The following ZNF107 variants were observed in gnomAD, a reference collection of about 807,000 sequenced individuals.
The protein encoded by ZNF107 is C2H2 type zinc-finger protein.
In ZNF107, 19 loss-of-function variants were observed where a neutral mutation model predicts 12.3. The observed-to-expected ratio is 1.55, with a 90% CI of 1.08 to 2.27. The LOEUF (loss-of-function observed/expected upper bound fraction) is 2.27, where lower values mean the gene tolerates loss of function less well. Ranked by LOEUF, ZNF107 falls within the 30% of genes most tolerant of loss-of-function variation. ZNF107 has a pLI of 0.00. For synonymous variants in ZNF107, 317 were observed against 330.5 expected, an observed-to-expected ratio of 0.96 and a Z score of 0.44; for missense variants, 958 against 979.9, an observed-to-expected ratio of 0.98 and a Z score of 0.30.
chr7:64,695,687 T>C (rs867794294), intron 3 of ZNF107, among the ~76,000 whole-genome samples: 2 of 152,290 alleles, frequency 1.3e-5, no homozygotes, highest in Middle Eastern at 6.8e-3. Flanking sequence ...TTATGGCTTA[T>C]CTTGTTTATA....
intron 1 of ZNF107, among the ~76,000 whole-genome samples, chr7:64,684,951 A>G (rs1186200348): frequency 6.6e-6 from 1 of 152,054 alleles, no homozygotes; most frequent in African/African-American, 2.4e-5. Context: ...GCATTTCTCT[A>G]TCAGCTACCA....
In ZNF107 at chr7:64,666,142, T is replaced by A; in HGVS notation, c.-141T>A. On this transcript the variant is annotated 5_prime_UTR_variant, in exon 1 of 4. Coordinates refer to ENST00000620827, the MANE Select transcript of ZNF107 (RefSeq NM_001282359.2). ...TCCGGGATTTGGCGGGGCCTTTGTCTCTGGCTGCAGCCGGAGCTCCTGCTC... is the reference window on the plus strand; with the variant it reads ...TCCGGGATTTGGCGGGGCCTTTGTCACTGGCTGCAGCCGGAGCTCCTGCTC... The A allele has an allele frequency of 3.4e-6, 4 of 1,189,976 alleles. No homozygotes were observed. The South Asian group carries it at 4.9e-5, about 15-fold the overall frequency. 73.7% of individuals were successfully genotyped at this position (1,189,976 alleles called of 1,614,324 possible). A position where few individuals can be genotyped will look rare whatever the true frequency, so the allele number is the denominator to read the frequency against.
intron 1 of ZNF107, among the ~76,000 whole-genome samples, chr7:64,669,677 A>G (rs1392214246): frequency 6.6e-6 from 1 of 151,976 alleles, no homozygotes; most frequent in Non-Finnish European, 1.5e-5. Flanking sequence ...AGTCTTAGCT[A>G]CTCGGTAGGC....
rs764368098 is a variant in ZNF107, at chr7:64,706,396, TGAG to T, written c.300_302del (p.Arg102del). The T allele has an allele frequency of 1.9e-6, 3 of 1,612,872 alleles. No individual in the cohort carries two copies. Among genetic ancestry groups the T allele is most frequent in the African/African-American group, 1.3e-5 (1 of 75,016 alleles). On this transcript the variant is annotated inframe_deletion, in exon 4 of 4. Coordinates refer to ENST00000620827, the MANE Select transcript of ZNF107 (RefSeq NM_001282359.2). ...AAAGATTCTTTCCAGAAAGTGACACTGAGAAGATACGGAAAATGTGAATATGAG... is the reference window on the plus strand; with the variant it reads ...AAAGATTCTTTCCAGAAAGTGACACTAAGATACGGAAAATGTGAATATGAG...
intron 1 of ZNF107, among the ~76,000 whole-genome samples, chr7:64,671,828 C>T (rs556129380): frequency 1.5e-4 from 21 of 140,320 alleles, no homozygotes; most frequent in African/African-American, 4.9e-4. Context: ...GTTGCCCAGG[C>T]TGGAGTGCAG....
At position 64,707,050 on chromosome 7, in the gene ZNF107, G is replaced by A. The variant is rs761744476; in HGVS notation, c.953G>A (p.Cys318Tyr). Residue 318 changes from cysteine to tyrosine, a missense_variant, in exon 4 of 4, where the codon TGT becomes TAT. Cys to Tyr is a radical substitution (Grantham distance 194). Coordinates refer to ENST00000620827, the MANE Select transcript of ZNF107 (RefSeq NM_001282359.2). ...TGENLYKCKECGKAFNLFSNL... is the reference protein window; with the variant it reads ...TGENLYKCKEYGKAFNLFSNL... ...GAGAACCTCTACAAGTGTAAAGAAT[G>A]TGGAAAAGCTTTTAACCTATTCTCA... 1.1e-5 allele frequency: 18 copies of A among 1,612,132 alleles called. No homozygotes were observed. Among genetic ancestry groups the A allele is most frequent in the Non-Finnish European group, 1.4e-5 (17 of 1,179,434 alleles).
Position 64,706,265 on chromosome 7 carries a change from T to C in ZNF107, c.227-59T>C, listed in dbSNP as rs1419565726. Reference sequence around the variant, plus strand: ...TTGTATAATTTTATAGATTAGATTTTAAAGTACATTTATCTGAGTCTAGCA... The same window carrying C: ...TTGTATAATTTTATAGATTAGATTTCAAAGTACATTTATCTGAGTCTAGCA... On this transcript the variant is annotated intron_variant, in intron 3 of 3. Coordinates refer to ENST00000620827, the MANE Select transcript of ZNF107 (RefSeq NM_001282359.2). The C allele has an allele frequency of 9.3e-6, 10 of 1,080,684 alleles. No individual in the cohort carries two copies. The East Asian group carries it at 1.1e-4, about 12-fold the overall frequency. The allele number at this position is 1,080,684 out of a possible 1,614,324, so 66.9% of individuals were successfully genotyped here.
intron 3 of ZNF107, among the ~76,000 whole-genome samples, chr7:64,705,024 AGTT>A (rs1790593620): frequency 6.6e-6 from 1 of 152,128 alleles, no homozygotes; most frequent in South Asian, 2.1e-4. Context: ...TTGGCAGGAC[AGTT>A]GTTGGTATTA....
chr7:64,699,660 G>A (rs926413809), intron 3 of ZNF107, among the ~76,000 whole-genome samples: 4 of 152,058 alleles, frequency 2.6e-5, no homozygotes, highest in African/African-American at 7.2e-5. Context: ...CAAACTTCTG[G>A]CCCCAGTAAT....
rs1306854729 is a variant in ZNF107, at chr7:64,710,947, T to C, written c.*2291T>C. ...AGTAAGAGAAAACCATTTTTAATCT[T>C]AGTTAAAATTAAAGTGAATTAGTAG... On this transcript the variant is annotated 3_prime_UTR_variant, in exon 4 of 4. Transcript: ENST00000620827. The C allele has an allele frequency of 6.6e-6, 1 of 152,192 alleles. No homozygotes were observed. The highest frequency in any genetic ancestry group is 1.5e-5 in the Non-Finnish European group (1 of 68,004). The allele number at this position is 152,192 out of a possible 1,614,324, so 9.4% of individuals were successfully genotyped here. A position where few individuals can be genotyped will look rare whatever the true frequency, so the allele number is the denominator to read the frequency against.
At chr7:64,672,518 G>A (rs143518985) in intron 1 of ZNF107, among the ~76,000 whole-genome samples, 148 of 152,066 alleles carry the variant, frequency 9.7e-4, no homozygotes, top group African/African-American at 3.4e-3. Context: ...CATTATGCCC[G>A]GCTAATTTTT....
intron 1 of ZNF107, among the ~76,000 whole-genome samples, chr7:64,690,837 G>A (rs1281937605): frequency 1.3e-5 from 2 of 152,026 alleles, no homozygotes; most frequent in Admixed American, 6.5e-5. Context: ...TGCCTCCCGG[G>A]TTCCAGCAAT....
chr7:64,703,232 C>T (rs1790533506), intron 3 of ZNF107, among the ~76,000 whole-genome samples: 1 of 152,130 alleles, frequency 6.6e-6, no homozygotes, highest in East Asian at 1.9e-4. Context: ...CAGTGTGGAG[C>T]AAAATCAACT....
At position 64,707,067 on chromosome 7, in the gene ZNF107, C is replaced by T; in HGVS notation, c.970C>T (p.Leu324=). Residue 324 remains leucine (L), a synonymous_variant, in exon 4 of 4, where the codon CTA becomes TTA. Coordinates refer to ENST00000620827, the MANE Select transcript of ZNF107 (RefSeq NM_001282359.2). The part of the protein sequence containing the change: ...KCKECGKAFN[L]FSNLTNHKRI... ...TAAAGAATGTGGAAAAGCTTTTAAC[C>T]TATTCTCAAATCTTACTAACCATAA... 6.2e-7 allele frequency: 1 copy of T among 1,611,188 alleles called. No homozygotes were observed. Among genetic ancestry groups the T allele is most frequent in the South Asian group, 1.1e-5 (1 of 90,572 alleles).
rs1356364382 is a variant in ZNF107 at position 64,706,255 on chromosome 7, G to C, written c.227-69G>C. The C allele has an allele frequency of 1.5e-5, 19 of 1,249,140 alleles. No homozygotes were observed. In the East Asian group the frequency reaches 4.1e-4, roughly 27 times the overall value. The allele number at this position is 1,249,140 out of a possible 1,614,324, so 77.4% of individuals were successfully genotyped here. ...CTTATGTAGTTTGTATAATTTTATAGATTAGATTTTAAAGTACATTTATCT... is the reference window on the plus strand; with the variant it reads ...CTTATGTAGTTTGTATAATTTTATACATTAGATTTTAAAGTACATTTATCT... On this transcript the variant is annotated intron_variant, in intron 3 of 3. Transcript: ENST00000620827.
In ZNF107 at chr7:64,666,139, G is replaced by A; in HGVS notation, c.-144G>A. The A allele has an allele frequency of 8.7e-7, 1 of 1,151,880 alleles. No individual in the cohort carries two copies. The highest frequency in any genetic ancestry group is 1.2e-5 in the South Asian group (1 of 80,788). The allele number at this position is 1,151,880 out of a possible 1,614,324, so 71.4% of individuals were successfully genotyped here. On this transcript the variant is annotated 5_prime_UTR_variant, in exon 1 of 4. Transcript: ENST00000620827. ...GCTTCCGGGATTTGGCGGGGCCTTT[G>A]TCTCTGGCTGCAGCCGGAGCTCCTG...
At position 64,666,184 on chromosome 7, in the gene ZNF107, G is replaced by A; in HGVS notation, c.-99G>A. 1 of 1,507,770 alleles carries A rather than the reference G, an allele frequency of 6.6e-7. No individual in the cohort carries two copies. The highest frequency in any genetic ancestry group is 2.4e-5 in the East Asian group (1 of 42,080). 93.4% of individuals were successfully genotyped at this position (1,507,770 alleles called of 1,614,324 possible). A position where few individuals can be genotyped will look rare whatever the true frequency, so the allele number is the denominator to read the frequency against. ...CTCCTGCTCTCCTCCTCACTGCTCAGTGTCCTCTGCTCCTAGAGGCCCAGC... is the reference window on the plus strand; with the variant it reads ...CTCCTGCTCTCCTCCTCACTGCTCAATGTCCTCTGCTCCTAGAGGCCCAGC... On this transcript the variant is annotated 5_prime_UTR_variant, in exon 1 of 4. In the 5' UTR this introduces an upstream ATG that the reference lacks. Transcript: ENST00000620827.
rs150768640 is a variant in ZNF107 at position 64,706,598 on chromosome 7, T to C, written c.501T>C (p.His167=). ...FSNSNRYKRR[H]TGNKHFKCKE... ...ATTCAAATAGATATAAGAGAAGACATACAGGAAACAAACACTTCAAATGTA... is the reference window on the plus strand; with the variant it reads ...ATTCAAATAGATATAAGAGAAGACACACAGGAAACAAACACTTCAAATGTA... The change falls in exon 4 of 4, where the codon CAT becomes CAC. Residue 167 remains histidine, a synonymous_variant. Coordinates refer to ENST00000620827, the MANE Select transcript of ZNF107 (RefSeq NM_001282359.2). 1.1e-5 allele frequency: 18 copies of C among 1,612,804 alleles called. No homozygotes were observed. The African/African-American group carries it at 2.0e-4, about 18-fold the overall frequency.
At position 64,709,867 on chromosome 7, in the gene ZNF107, G is replaced by T. The variant is rs1790826231; in HGVS notation, c.*1211G>T. 1 of 389,114 alleles carries T rather than the reference G, an allele frequency of 2.6e-6. No individual in the cohort carries two copies. The highest frequency in any genetic ancestry group is 5.0e-6 in the Non-Finnish European group (1 of 200,630). 24.1% of individuals were successfully genotyped at this position (389,114 alleles called of 1,614,324 possible). A position where few individuals can be genotyped will look rare whatever the true frequency, so the allele number is the denominator to read the frequency against. ...GAGCCAGTTGTGCTGGCTCACATCTGTAATGCCAGCACTTTGGGAGGCCAA... is the reference window on the plus strand; with the variant it reads ...GAGCCAGTTGTGCTGGCTCACATCTTTAATGCCAGCACTTTGGGAGGCCAA... On this transcript the variant is annotated 3_prime_UTR_variant, in exon 4 of 4. Transcript: ENST00000620827.
Sources: gnomAD v4.1 joint callset for allele counts (sites outside exome capture counted in the v4.1 genomes callset) on GRCh38, gnomAD v4.1.1 for gene constraint, MANE v1.5 for transcripts, NCBI Gene and HGNC (gene_info 2026-07-23, HGNC 2026-07-21) for gene names.